ABLIM1: variants seen among roughly 807,000 people sequenced by gnomAD.
ABLIM1 encodes actin binding LIM protein 1, also known as actin-binding LIM protein 1.
ABLIM1 carries 40 observed loss-of-function variants against 107.0 expected under a neutral mutation model. That is an observed-to-expected ratio of 0.37 (90% CI 0.29 to 0.49). The LOEUF (loss-of-function observed/expected upper bound fraction) is 0.49. Ranked by LOEUF, ABLIM1 falls within the 20% of genes least tolerant of loss-of-function variation. The pLI, the probability that ABLIM1 is intolerant of heterozygous loss-of-function variation, is 0.97. For synonymous variants in ABLIM1, 357 were observed against 357.3 expected (o/e 1.00, Z 0.01); for missense variants, 857 against 1,008.5 (o/e 0.85, Z 2.04).
At chr10:114,683,830 C>T (rs1163507170) in intron 1 of ABLIM1, among the ~76,000 whole-genome samples, 1 of 152,112 alleles carries the variant, frequency 6.6e-6, no homozygotes, top group African/African-American at 2.4e-5. Context: ...CAGGACCAGC[C>T]GGGGCACTCC....
At chr10:114,704,234 ATCTC>A (rs146918307) in intron 1 of ABLIM1, among the ~76,000 whole-genome samples, 9 of 96,796 alleles carry the variant, frequency 9.3e-5, no homozygotes, top group East Asian at 3.2e-4. Context: ...GACTCGAACA[ATCTC>A]TCTCTCTCTC....
intron 1 of ABLIM1, among the ~76,000 whole-genome samples, chr10:114,711,467 A>G (rs2081545976): frequency 6.6e-6 from 1 of 152,194 alleles, no homozygotes; most frequent in Non-Finnish European, 1.5e-5. Context: ...ACAGTCACAG[A>G]CACCACTCTA....
chr10:114,475,388 T>C (rs2056179458), intron 8 of ABLIM1, among the ~76,000 whole-genome samples: 1 of 152,222 alleles, frequency 6.6e-6, no homozygotes, highest in Non-Finnish European at 1.5e-5. Context: ...CATTCTTTTT[T>C]CCTTCATGAG....
intron 2 of ABLIM1, among the ~76,000 whole-genome samples, chr10:114,588,943 T>C (rs2074506093): frequency 6.6e-6 from 1 of 152,166 alleles, no homozygotes; most frequent in African/African-American, 2.4e-5. Flanking sequence ...ATTTAATTTA[T>C]GTACCGCATA....
chr10:114,725,120 G>A (rs1371644756), intron 1 of ABLIM1, among the ~76,000 whole-genome samples: 1 of 152,148 alleles, frequency 6.6e-6, no homozygotes, highest in Non-Finnish European at 1.5e-5. Context: ...TAGCATTTAA[G>A]AGTGTATTTT....
chr10:114,773,246 A>G, the ABLIM1 span, among the ~76,000 whole-genome samples: 1 of 152,192 alleles, frequency 6.6e-6, no homozygotes, highest in African/African-American at 2.4e-5. Context: ...ATAAAAAGAA[A>G]TCTAGACCTA....
intron 2 of ABLIM1, among the ~76,000 whole-genome samples, chr10:114,578,790 T>C (rs573214707): frequency 1.4e-5 from 2 of 145,884 alleles, no homozygotes; most frequent in Non-Finnish European, 3.0e-5. Flanking sequence ...CTTTTCTTTT[T>C]TTTTTTTTTT....
the ABLIM1 span, among the ~76,000 whole-genome samples, chr10:114,773,528 C>G: frequency 6.6e-6 from 1 of 152,176 alleles, no homozygotes; most frequent in African/African-American, 2.4e-5. Context: ...TCAAAACCAG[C>G]CCAGCCAACA....
chr10:114,439,227 A>C lies in ABLIM1; in HGVS notation c.2091T>G (p.Pro697=). The C allele has an allele frequency of 6.2e-7, 1 of 1,614,230 alleles. No individual in the cohort carries two copies. Among genetic ancestry groups the C allele is most frequent in the Non-Finnish European group, 8.5e-7 (1 of 1,180,042 alleles). ...ACACTCCTCGGTCCATTCTCATTGC[A>C]GGCATGTGGCCATCTGGGAGTGTCT... ...DYQTLPDGHM[P]AMRMDRGVSM... is the part of the protein sequence containing the mutation. The change falls in exon 21 of 23, where the codon CCT becomes CCG. Residue 697 remains proline, a synonymous_variant. Transcript: ENST00000533213.
At chr10:114,475,435 A>G (rs1360843029) in intron 8 of ABLIM1, among the ~76,000 whole-genome samples, 1 of 152,020 alleles carries the variant, frequency 6.6e-6, no homozygotes. Flanking sequence ...TTTTCCTTGC[A>G]TCGTGTCTGT....
At chr10:114,490,230 T>A (rs951825984) in intron 7 of ABLIM1, among the ~76,000 whole-genome samples, 3 of 152,238 alleles carry the variant, frequency 2.0e-5, no homozygotes, top group African/African-American at 7.2e-5. Flanking sequence ...AGGCCACAGA[T>A]GCGGGTGCTT....
At chr10:114,505,727 G>A (rs1225897794) in intron 6 of ABLIM1, among the ~76,000 whole-genome samples, 4 of 152,128 alleles carry the variant, frequency 2.6e-5, no homozygotes, top group South Asian at 2.1e-4. Context: ...ACTGCTTTTC[G>A]TCACCATATT....
At chr10:114,722,668 T>C (rs187548521) in intron 1 of ABLIM1, among the ~76,000 whole-genome samples, 13 of 152,372 alleles carry the variant, frequency 8.5e-5, no homozygotes, top group Admixed American at 3.9e-4. Flanking sequence ...GTATTTCTTT[T>C]TCCCCAAGCA....
chr10:114,674,866 T>A (rs2080411966), intron 1 of ABLIM1, among the ~76,000 whole-genome samples: 1 of 152,056 alleles, frequency 6.6e-6, no homozygotes, highest in Admixed American at 6.6e-5. Context: ...AGATGGAAAA[T>A]CTTTAAAGAT....
chr10:114,516,050 C>G (rs141525178), intron 6 of ABLIM1, among the ~76,000 whole-genome samples: 2 of 152,182 alleles, frequency 1.3e-5, no homozygotes, highest in Admixed American at 1.3e-4. Flanking sequence ...CTGTCCCTTG[C>G]GACCAAAGCC....
At chr10:114,667,607 G>A (rs2080079811) in intron 1 of ABLIM1, among the ~76,000 whole-genome samples, 1 of 152,172 alleles carries the variant, frequency 6.6e-6, no homozygotes, top group East Asian at 1.9e-4. Context: ...TTTCACCTAT[G>A]TAAACCACAT....
At chr10:114,650,356 G>C (rs1351111438) in intron 1 of ABLIM1, among the ~76,000 whole-genome samples, 2 of 152,172 alleles carry the variant, frequency 1.3e-5, no homozygotes, top group African/African-American at 2.4e-5. Flanking sequence ...ATTCAAATTT[G>C]TTTAAAGCCT....
upstream of ABLIM1, among the ~76,000 whole-genome samples, chr10:114,768,957 GCCACCAGA>G (rs1566323027): frequency 2.0e-5 from 3 of 151,914 alleles, no homozygotes; most frequent in African/African-American, 7.3e-5. Context: ...ATAATAAAAA[GCCACCAGA>G]TCTAGAAATT....
intron 1 of ABLIM1, among the ~76,000 whole-genome samples, chr10:114,724,389 C>T (rs964314053): frequency 2.0e-5 from 3 of 152,184 alleles, no homozygotes; most frequent in East Asian, 3.9e-4. Context: ...TCCTCACTGT[C>T]ATTACCACCT....
Sources: gnomAD v4.1 joint callset for allele counts (sites outside exome capture counted in the v4.1 genomes callset) on GRCh38, gnomAD v4.1.1 for gene constraint, MANE v1.5 for transcripts, NCBI Gene and HGNC (gene_info 2026-07-23, HGNC 2026-07-21) for gene names.